The following RSRC1 variants were observed in gnomAD, a reference collection of about 807,000 sequenced individuals.
The protein encoded by RSRC1 is serine/Arginine-related protein 53.
A neutral mutation model predicts 49.1 loss-of-function variants in RSRC1; 39 were observed. That is an observed-to-expected ratio of 0.79 (90% CI 0.61 to 1.04). The LOEUF (loss-of-function observed/expected upper bound fraction) is 1.04, where lower values mean the gene tolerates loss of function less well. Among genes scored for constraint, RSRC1 ranks in the 50% least tolerant of loss-of-function variants. The probability of loss-of-function intolerance (pLI) is 0.00; values close to 1 mark genes in which losing one functional copy is unlikely to be tolerated. For missense variants in RSRC1, 388 were observed against 402.4 expected, an observed-to-expected ratio of 0.96 and a Z score of 0.31; for synonymous variants, 143 against 130.8, an observed-to-expected ratio of 1.09 and a Z score of -0.63.
chr3:158,411,848 T>A (rs1352994022), intron 6 of RSRC1, among the ~76,000 whole-genome samples: 1 of 152,162 alleles, frequency 6.6e-6, no homozygotes, highest in Non-Finnish European at 1.5e-5. Flanking sequence ...TATTGGTATA[T>A]CCTGGATATG....
chr3:158,513,398 G>T (rs1349316098), intron 7 of RSRC1, among the ~76,000 whole-genome samples: 1 of 152,154 alleles, frequency 6.6e-6, no homozygotes, highest in African/African-American at 2.4e-5. Flanking sequence ...CTTTGGTTCT[G>T]TTTATATGCT....
chr3:158,278,187 G>A lies in RSRC1; in HGVS notation c.495-19852G>A, dbSNP rs977962125. 5.3e-5 allele frequency among the ~76,000 whole-genome samples: 8 copies of A among 152,254 alleles called. 1 individual carries two copies. The highest frequency in any genetic ancestry group is 3.3e-4 in the Admixed American group (5 of 15,280). On this transcript the variant is annotated intron_variant, in intron 4 of 9. Transcript: ENST00000611884. ...ACCAACAACGGACAAGTCCACAAGAGCAAGTGAGGTTCACTGTTGACACTT... is the reference window on the plus strand; with the variant it reads ...ACCAACAACGGACAAGTCCACAAGAACAAGTGAGGTTCACTGTTGACACTT...
At chr3:158,218,105 T>C (rs1722050572) in intron 4 of RSRC1, among the ~76,000 whole-genome samples, 1 of 151,454 alleles carries the variant, frequency 6.6e-6, no homozygotes, top group Non-Finnish European at 1.5e-5. Context: ...GAGAAACAGA[T>C]AGGGGCTAGA....
intron 6 of RSRC1, among the ~76,000 whole-genome samples, chr3:158,386,677 T>C (rs1732983157): frequency 6.6e-6 from 1 of 152,068 alleles, no homozygotes; most frequent in Non-Finnish European, 1.5e-5. Context: ...TTCATCAGAA[T>C]CCATGTTATT....
At chr3:158,428,595 G>A (rs945344316) in intron 6 of RSRC1, among the ~76,000 whole-genome samples, 7 of 151,832 alleles carry the variant, frequency 4.6e-5, no homozygotes, top group African/African-American at 1.7e-4. Flanking sequence ...TTAGAAAGAT[G>A]TCTGGCACAT....
At chr3:158,190,888 G>A (rs976944709) in intron 3 of RSRC1, among the ~76,000 whole-genome samples, 1 of 151,714 alleles carries the variant, frequency 6.6e-6, no homozygotes, top group African/African-American at 2.4e-5. Context: ...GAATGACACT[G>A]TATTGTTTAG....
intron 7 of RSRC1, among the ~76,000 whole-genome samples, chr3:158,470,821 GA>G (rs35849282): frequency 2.9e-4 from 44 of 151,346 alleles, no homozygotes; most frequent in Non-Finnish European, 5.6e-4. Context: ...CCAACGCCAA[GA>G]AAAAAAAATT....
intron 3 of RSRC1, among the ~76,000 whole-genome samples, chr3:158,201,860 T>C (rs1162128190): frequency 6.6e-6 from 1 of 152,206 alleles, no homozygotes; most frequent in Non-Finnish European, 1.5e-5. Flanking sequence ...AACACATTTT[T>C]TGTGTTTCTT....
At chr3:158,487,769 G>C (rs977243675) in intron 7 of RSRC1, among the ~76,000 whole-genome samples, 1 of 151,538 alleles carries the variant, frequency 6.6e-6, no homozygotes, top group Non-Finnish European at 1.5e-5. Flanking sequence ...GGCCAACATG[G>C]TGAAACCCCA....
intron 4 of RSRC1, among the ~76,000 whole-genome samples, chr3:158,236,986 T>C: frequency 6.6e-6 from 1 of 152,268 alleles, no homozygotes; most frequent in East Asian, 1.9e-4. Flanking sequence ...TAGATAAAAC[T>C]GGTTTTAGGT....
chr3:158,533,468 C>T (rs1296389751), intron 7 of RSRC1, among the ~76,000 whole-genome samples: 1 of 151,552 alleles, frequency 6.6e-6, no homozygotes, highest in Non-Finnish European at 1.5e-5. Context: ...TTTGGCAAGC[C>T]TCTATGATAA....
intron 3 of RSRC1, among the ~76,000 whole-genome samples, chr3:158,193,729 G>A (rs1720373725): frequency 6.6e-6 from 1 of 151,936 alleles, no homozygotes; most frequent in African/African-American, 2.4e-5. Context: ...ACACGTAATA[G>A]AAAATTTAAT....
intron 8 of RSRC1, among the ~76,000 whole-genome samples, chr3:158,540,031 C>T (rs565776180): frequency 6.6e-6 from 1 of 152,218 alleles, no homozygotes; most frequent in Admixed American, 6.5e-5. Context: ...GGCTAAGATA[C>T]GCAGAATGAT....
intron 7 of RSRC1, among the ~76,000 whole-genome samples, chr3:158,511,277 C>T (rs958141879): frequency 6.6e-5 from 10 of 151,914 alleles, no homozygotes; most frequent in African/African-American, 2.4e-4. Context: ...CCACAGCAGT[C>T]CCCAGAGTGT....
intron 1 of RSRC1, among the ~76,000 whole-genome samples, chr3:158,118,411 T>TTGTGTG (rs1714993253): frequency 1.3e-5 from 1 of 78,178 alleles, no homozygotes; most frequent in African/African-American, 4.9e-5. Context: ...GTACCTGGCC[T>TTGTGTG]TCTGTGTGTG....
chr3:158,312,308 T>A (rs1193511), intron 5 of RSRC1, among the ~76,000 whole-genome samples: 105,770 of 151,816 alleles, frequency 0.7, 37,322 homozygotes, highest in East Asian at 0.85. Flanking sequence ...TATAGAAAGT[T>A]ATCAGCCAAG....
intron 5 of RSRC1, 46 bp from the exon 6 acceptor site, chr3:158,354,811 C>T (rs373008107): frequency 7.0e-7 from 1 of 1,437,602 alleles, no homozygotes; most frequent in South Asian, 1.3e-5. Context: ...TAAAACTGAC[C>T]TGTAAAAGTC....
intron 6 of RSRC1, among the ~76,000 whole-genome samples, chr3:158,443,767 T>C (rs924051582): frequency 6.6e-6 from 1 of 152,192 alleles, no homozygotes; most frequent in Non-Finnish European, 1.5e-5. Context: ...GCTTTTGACA[T>C]GCGTTCTCAC....
At chr3:158,458,236 T>G (rs1000917522) in intron 6 of RSRC1, among the ~76,000 whole-genome samples, 3 of 152,172 alleles carry the variant, frequency 2.0e-5, no homozygotes, top group African/African-American at 7.2e-5. Context: ...AACATCCATG[T>G]TAATTTCTAA....
Sources: gnomAD v4.1 joint callset for allele counts (sites outside exome capture counted in the v4.1 genomes callset) on GRCh38, gnomAD v4.1.1 for gene constraint, MANE v1.5 for transcripts, NCBI Gene and HGNC (gene_info 2026-07-23, HGNC 2026-07-21) for gene names.